TPRG1: variants seen among roughly 807,000 people sequenced by gnomAD.
TPRG1 encodes tumor protein p63-regulated gene 1 protein.
In TPRG1, 29 loss-of-function variants were observed where a neutral mutation model predicts 29.3. That is an observed-to-expected ratio of 0.99 (90% CI 0.74 to 1.35). TPRG1 has a LOEUF of 1.35. TPRG1 is among the 40% of genes most tolerant of loss of function. The probability of loss-of-function intolerance (pLI) is 0.00; values close to 1 mark genes in which losing one functional copy is unlikely to be tolerated. For missense variants in TPRG1, 327 were observed against 335.0 expected, an observed-to-expected ratio of 0.98 and a Z score of 0.19; for synonymous variants, 130 against 116.8, an observed-to-expected ratio of 1.11 and a Z score of -0.73.
chr3:189,304,201 G>A (rs1007916782), intron 4 of TPRG1, among the ~76,000 whole-genome samples: 1 of 151,570 alleles, frequency 6.6e-6, no homozygotes, highest in Non-Finnish European at 1.5e-5. Context: ...GGTAGAAAAG[G>A]ATCTTACAAA....
At chr3:189,188,114 T>C (rs1731195174) in intron 1 of TPRG1, among the ~76,000 whole-genome samples, 1 of 152,062 alleles carries the variant, frequency 6.6e-6, no homozygotes, top group Non-Finnish European at 1.5e-5. Flanking sequence ...AAAGAAAAGA[T>C]AATTGAAAAA....
At chr3:189,193,556 T>C (rs1477756925) in intron 1 of TPRG1, among the ~76,000 whole-genome samples, 1 of 152,092 alleles carries the variant, frequency 6.6e-6, no homozygotes, top group Non-Finnish European at 1.5e-5. Flanking sequence ...CAAATATTTG[T>C]TCACTTAATA....
upstream of TPRG1, among the ~76,000 whole-genome samples, chr3:189,098,882 T>C (rs1337006219): frequency 1.3e-5 from 2 of 151,816 alleles, no homozygotes; most frequent in East Asian, 3.9e-4. Context: ...TCCCTGAGAG[T>C]CCTGAACCCT....
intron 4 of TPRG1, among the ~76,000 whole-genome samples, chr3:189,080,110 C>A (rs534324146): frequency 6.6e-6 from 1 of 152,272 alleles, no homozygotes; most frequent in African/African-American, 2.4e-5. Flanking sequence ...TGGCAATGGA[C>A]AAGACTGTAA....
intron 4 of TPRG1, among the ~76,000 whole-genome samples, chr3:189,087,165 C>T (rs956040775): frequency 2.0e-5 from 3 of 152,136 alleles, no homozygotes; most frequent in African/African-American, 4.8e-5. Context: ...CTCTCCAGCA[C>T]CTGTTTTTTC....
intron 4 of TPRG1, among the ~76,000 whole-genome samples, chr3:189,283,234 T>A (rs1576952152): frequency 6.6e-6 from 1 of 152,332 alleles, no homozygotes; most frequent in East Asian, 1.9e-4. Context: ...TCGTGCTTCA[T>A]ATTTGTGCCA....
chr3:189,300,690 C>T (rs1720690088), intron 4 of TPRG1, among the ~76,000 whole-genome samples: 1 of 152,192 alleles, frequency 6.6e-6, no homozygotes, highest in African/African-American at 2.4e-5. Context: ...TCTGGCTTTT[C>T]ACTTCCATCA....
Position 189,053,438 on chromosome 3 carries a change from T to C in TPRG1, c.-463+29492T>C, listed in dbSNP as rs183094883. Among the ~76,000 whole-genome samples the C allele has an allele frequency of 2.6e-5, 4 of 152,288 alleles. No individual in the cohort carries two copies. The East Asian group carries it at 7.7e-4, about 29-fold the overall frequency. On this transcript the variant is annotated intron_variant, in intron 4 of 10. Coordinates refer to the TPRG1 transcript ENST00000433971. The stretch of plus-strand genomic sequence containing the variant: ...GTTTCTTTCTCAGGAAACCAAACAT[T>C]TGGGCTCCCGGATAGTATCAAGGAA...
At chr3:189,192,524 T>G (rs1169808548) in intron 1 of TPRG1, among the ~76,000 whole-genome samples, 1 of 152,134 alleles carries the variant, frequency 6.6e-6, no homozygotes, top group Non-Finnish European at 1.5e-5. Flanking sequence ...AGGCAAAAAT[T>G]GAAAAGAGTA....
intron 1 of TPRG1, among the ~76,000 whole-genome samples, chr3:189,185,261 G>A (rs890140423): frequency 2.6e-5 from 4 of 152,004 alleles, no homozygotes; most frequent in Admixed American, 6.6e-5. Context: ...AGTTACCCAG[G>A]CTGGCTGGCA....
chr3:189,284,234 G>A (rs1177402631), intron 4 of TPRG1, among the ~76,000 whole-genome samples: 1 of 149,994 alleles, frequency 6.7e-6, no homozygotes, highest in African/African-American at 2.5e-5. Flanking sequence ...AAGTTTTGGG[G>A]TACATGTGCA....
At chr3:189,200,346 G>A (rs1733269962) in intron 1 of TPRG1, among the ~76,000 whole-genome samples, 1 of 152,206 alleles carries the variant, frequency 6.6e-6, no homozygotes, top group South Asian at 2.1e-4. Context: ...TTAGAGTATT[G>A]TTGTTTATCC....
At chr3:189,312,261 G>A in intron 5 of TPRG1, among the ~76,000 whole-genome samples, 1 of 148,416 alleles carries the variant, frequency 6.7e-6, no homozygotes, top group Non-Finnish European at 1.5e-5. Context: ...GAGTGCAGTG[G>A]CACAATCTTG....
chr3:189,145,765 A>T (rs1367106972), intron 3 of TPRG1, among the ~76,000 whole-genome samples: 2 of 152,224 alleles, frequency 1.3e-5, no homozygotes, highest in African/African-American at 4.8e-5. Context: ...AACTTAAAAG[A>T]TATGCGTGGA....
chr3:189,116,424 A>T (rs4599297), intron 1 of TPRG1, among the ~76,000 whole-genome samples: 3,023 of 152,140 alleles, frequency 0.02, 116 homozygotes, highest in African/African-American at 0.066. Context: ...TGATCCACCC[A>T]CCTTGGCCTC....
At chr3:189,279,760 G>A (rs1716782230) in intron 4 of TPRG1, among the ~76,000 whole-genome samples, 1 of 152,116 alleles carries the variant, frequency 6.6e-6, no homozygotes. Flanking sequence ...TCAGGAAGAG[G>A]CAGAATACCC....
At chr3:189,232,143 A>G (rs1364114631) in intron 3 of TPRG1, among the ~76,000 whole-genome samples, 1 of 152,212 alleles carries the variant, frequency 6.6e-6, no homozygotes, top group Non-Finnish European at 1.5e-5. Context: ...TCCTTACTAA[A>G]GAGAAAAAGT....
At chr3:189,126,434 A>C (rs757427576) in intron 1 of TPRG1, among the ~76,000 whole-genome samples, 34 of 152,300 alleles carry the variant, frequency 2.2e-4, no homozygotes, top group Non-Finnish European at 3.8e-4. Flanking sequence ...TGTCACTAAG[A>C]CTGGCCACTG....
chr3:189,133,775 A>G (rs940142265), intron 3 of TPRG1, among the ~76,000 whole-genome samples: 4 of 152,216 alleles, frequency 2.6e-5, no homozygotes, highest in Non-Finnish European at 4.4e-5. Flanking sequence ...AGACAAGAGA[A>G]GATCTACAGG....
Sources: gnomAD v4.1 joint callset for allele counts (sites outside exome capture counted in the v4.1 genomes callset) on GRCh38, gnomAD v4.1.1 for gene constraint, MANE v1.5 for transcripts, NCBI Gene and HGNC (gene_info 2026-07-23, HGNC 2026-07-21) for gene names.